Variants in RBMS3 observed in about 807,000 individuals in gnomAD.
RBMS3 encodes RNA binding motif single stranded interacting protein 3.
A neutral mutation model predicts 66.8 loss-of-function variants in RBMS3; 27 were observed. The ratio of observed to expected loss-of-function variants is 0.40; its 90% confidence interval spans 0.30 to 0.56. The LOEUF (loss-of-function observed/expected upper bound fraction) is 0.56, where lower values mean the gene tolerates loss of function less well. Ranked by LOEUF, RBMS3 falls within the 20% of genes least tolerant of loss-of-function variation. RBMS3 has a pLI of 0.40. For missense variants in RBMS3, 513 were observed against 549.5 expected, an observed-to-expected ratio of 0.93 and a Z score of 0.66; for synonymous variants, 188 against 183.0, an observed-to-expected ratio of 1.03 and a Z score of -0.22.
intron 1 of RBMS3, among the ~76,000 whole-genome samples, chr3:29,318,599 A>C (rs1321890780): frequency 6.6e-6 from 1 of 151,920 alleles, no homozygotes. Context: ...ATTACCTTTG[A>C]ATGATTGGAC....
chr3:29,781,343 A>T (rs2056626118), intron 6 of RBMS3, among the ~76,000 whole-genome samples: 1 of 152,060 alleles, frequency 6.6e-6, no homozygotes, highest in Non-Finnish European at 1.5e-5. Context: ...AGCATAAGGT[A>T]TTTACAATTC....
In RBMS3 at chr3:29,651,105, A is replaced by G. The variant is rs551295157; in HGVS notation, c.399+63900A>G. Among the ~76,000 whole-genome samples the G allele has an allele frequency of 1.9e-4, 29 of 152,322 alleles. 1 individual carries two copies. The South Asian group carries it at 6.0e-3, about 32-fold the overall frequency. ...CCATCAAGCTGTCACATGAAAGACT[A>G]AAAGACTGACTTAATCACAGCATCT... On this transcript the variant is annotated intron_variant, in intron 4 of 14. Transcript: ENST00000383767.
intron 3 of RBMS3, among the ~76,000 whole-genome samples, chr3:29,520,054 T>C (rs1285615477): frequency 2.0e-5 from 3 of 152,184 alleles, no homozygotes. Flanking sequence ...TAACTGGCCA[T>C]CCTGTATTTT....
At chr3:29,732,274 C>G (rs1440523907) in intron 4 of RBMS3, among the ~76,000 whole-genome samples, 1 of 152,118 alleles carries the variant, frequency 6.6e-6, no homozygotes, top group Non-Finnish European at 1.5e-5. Flanking sequence ...GTAATTCCAG[C>G]TCAAAGGCAG....
At chr3:29,526,858 T>C (rs2045135422) in intron 3 of RBMS3, among the ~76,000 whole-genome samples, 1 of 147,298 alleles carries the variant, frequency 6.8e-6, no homozygotes, top group Admixed American at 6.9e-5. Flanking sequence ...GTCTCTTTCA[T>C]TGCCTGTTGC....
chr3:29,306,050 T>A (rs2033987311), intron 1 of RBMS3, among the ~76,000 whole-genome samples: 1 of 151,954 alleles, frequency 6.6e-6, no homozygotes, highest in Admixed American at 6.6e-5. Context: ...CCCATGCCCA[T>A]CTGTTGCTTG....
chr3:29,909,350 G>A (rs919788311), intron 10 of RBMS3, among the ~76,000 whole-genome samples: 1 of 152,052 alleles, frequency 6.6e-6, no homozygotes, highest in African/African-American at 2.4e-5. Flanking sequence ...GTAATAATAT[G>A]CAGTGGAGTA....
At chr3:29,867,887 A>C (rs75271946) in intron 6 of RBMS3, among the ~76,000 whole-genome samples, 2,660 of 152,102 alleles carry the variant, frequency 0.017, 38 homozygotes, top group Non-Finnish European at 0.028. Context: ...CTGACAAATT[A>C]ATATTTGGTT....
At chr3:29,285,988 A>G (rs1320401220) in intron 1 of RBMS3, among the ~76,000 whole-genome samples, 1 of 152,154 alleles carries the variant, frequency 6.6e-6, no homozygotes, top group Non-Finnish European at 1.5e-5. Flanking sequence ...CCTGCCTCAG[A>G]TTTGCATTGA....
chr3:29,556,138 C>T (rs112386989), intron 3 of RBMS3, among the ~76,000 whole-genome samples: 2 of 149,758 alleles, frequency 1.3e-5, no homozygotes, highest in Admixed American at 6.7e-5. Flanking sequence ...AAAAAAAAAG[C>T]TTATATCCAG....
chr3:29,922,315 G>A (rs2060804882), intron 10 of RBMS3, among the ~76,000 whole-genome samples: 1 of 151,098 alleles, frequency 6.6e-6, no homozygotes, highest in East Asian at 2.0e-4. Flanking sequence ...GTGAAACCCC[G>A]TCTCTACTAA....
At chr3:29,724,617 A>G (rs2053777882) in intron 4 of RBMS3, among the ~76,000 whole-genome samples, 1 of 152,196 alleles carries the variant, frequency 6.6e-6, no homozygotes, top group Admixed American at 6.5e-5. Context: ...ATAGTTATAC[A>G]GTCAATCCAA....
At chr3:29,394,539 A>G (rs1003040866) in intron 1 of RBMS3, among the ~76,000 whole-genome samples, 9 of 152,238 alleles carry the variant, frequency 5.9e-5, no homozygotes, top group African/African-American at 2.2e-4. Context: ...ATAAATGTCC[A>G]TGAAATCTTC....
chr3:29,727,578 C>A (rs2053940534), intron 4 of RBMS3, among the ~76,000 whole-genome samples: 1 of 152,082 alleles, frequency 6.6e-6, no homozygotes, highest in Admixed American at 6.5e-5. Flanking sequence ...CAAAAGAAGA[C>A]ATTTATGCAG....
chr3:29,544,698 A>AGTGTGTGTGTGT (rs1398559923), intron 3 of RBMS3, among the ~76,000 whole-genome samples: 2 of 77,164 alleles, frequency 2.6e-5, no homozygotes, highest in African/African-American at 2.0e-4. Flanking sequence ...GTGAAATGTA[A>AGTGTGTGTGTGT]ATGTGTGTGT....
intron 12 of RBMS3, among the ~76,000 whole-genome samples, chr3:29,977,125 A>G (rs1697644193): frequency 6.6e-6 from 1 of 151,548 alleles, no homozygotes; most frequent in African/African-American, 2.4e-5. Context: ...GACCTGAAAA[A>G]CTCTCCTTTC....
At chr3:29,562,488 A>T (rs1478781521) in intron 3 of RBMS3, among the ~76,000 whole-genome samples, 1 of 152,206 alleles carries the variant, frequency 6.6e-6, no homozygotes, top group Non-Finnish European at 1.5e-5. Flanking sequence ...CTGGTCTACA[A>T]GGAAGAAACT....
At chr3:29,537,412 T>C (rs1385701746) in intron 3 of RBMS3, among the ~76,000 whole-genome samples, 1 of 152,364 alleles carries the variant, frequency 6.6e-6, no homozygotes, top group Admixed American at 6.5e-5. Context: ...TACATGCTAC[T>C]GAATGCCATG....
intron 2 of RBMS3, among the ~76,000 whole-genome samples, chr3:29,456,473 G>A (rs1046907147): frequency 2.6e-5 from 4 of 152,168 alleles, no homozygotes; most frequent in Non-Finnish European, 5.9e-5. Context: ...ACGCATCTTA[G>A]TGATGATAAT....
Sources: gnomAD v4.1 joint callset for allele counts (sites outside exome capture counted in the v4.1 genomes callset) on GRCh38, gnomAD v4.1.1 for gene constraint, MANE v1.5 for transcripts, NCBI Gene and HGNC (gene_info 2026-07-23, HGNC 2026-07-21) for gene names.